Variants in STK39 observed in about 807,000 individuals in gnomAD.
STK39 encodes serine/threonine kinase 39, also known as STE20/SPS1-related proline-alanine-rich protein kinase.
Under a neutral mutation model 77.8 loss-of-function variants are expected in STK39, and 20 were observed. The observed-to-expected ratio is 0.26, with a 90% CI of 0.18 to 0.37. The LOEUF is 0.37. Among genes scored for constraint, STK39 ranks in the 10% least tolerant of loss-of-function variants. The probability of loss-of-function intolerance (pLI) is 1.00; values close to 1 mark genes in which losing one functional copy is unlikely to be tolerated. For synonymous variants in STK39, 246 were observed against 234.1 expected (o/e 1.05, Z -0.47); for missense variants, 479 against 656.5 (o/e 0.73, Z 2.95).
intron 16 of STK39, among the ~76,000 whole-genome samples, chr2:167,992,143 C>T (rs1360931525): frequency 6.6e-6 from 1 of 152,128 alleles, no homozygotes; most frequent in African/African-American, 2.4e-5. Context: ...GATAACATAA[C>T]TCAGTTGGAG....
At chr2:168,005,599 G>C (rs1684111469) in intron 16 of STK39, among the ~76,000 whole-genome samples, 1 of 152,052 alleles carries the variant, frequency 6.6e-6, no homozygotes, top group Non-Finnish European at 1.5e-5. Context: ...ACAATGGTAG[G>C]GATGCAATAA....
chr2:167,956,736 C>CT (rs1288280639), intron 17 of STK39, among the ~76,000 whole-genome samples: 2 of 49,552 alleles, frequency 4.0e-5, no homozygotes, highest in Non-Finnish European at 9.2e-5. Context: ...TCTCCCCCCC[C>CT]GCCCCCTCAG....
intron 1 of STK39, among the ~76,000 whole-genome samples, chr2:168,220,339 G>A (rs1282277442): frequency 1.3e-5 from 2 of 151,964 alleles, no homozygotes; most frequent in Non-Finnish European, 2.9e-5. Flanking sequence ...AGTTCTCCTG[G>A]GGCAAAGAGA....
chr2:168,157,920 C>T (rs888478392), intron 5 of STK39, among the ~76,000 whole-genome samples: 3 of 151,956 alleles, frequency 2.0e-5, no homozygotes, highest in Non-Finnish European at 4.4e-5. Flanking sequence ...CAAGAGTAGC[C>T]ACTATTTTTT....
chr2:168,036,800 T>C (rs1684968140), intron 14 of STK39, among the ~76,000 whole-genome samples: 2 of 152,166 alleles, frequency 1.3e-5, no homozygotes, highest in African/African-American at 4.8e-5. Context: ...GCTCCAAGTC[T>C]TTCCAGAGAG....
intron 16 of STK39, among the ~76,000 whole-genome samples, chr2:168,011,481 C>G (rs980404664): frequency 2.0e-5 from 3 of 151,914 alleles, no homozygotes; most frequent in African/African-American, 7.3e-5. Context: ...GCTAACTAAT[C>G]TTGATTAGTT....
At chr2:168,018,606 A>T (rs1393319835) in intron 14 of STK39, among the ~76,000 whole-genome samples, 1 of 134,790 alleles carries the variant, frequency 7.4e-6, no homozygotes, top group South Asian at 2.5e-4. Flanking sequence ...AAGAAATTGC[A>T]GTAGGAAACA....
At chr2:168,175,198 C>T (rs1216544970) in intron 2 of STK39, among the ~76,000 whole-genome samples, 1 of 152,038 alleles carries the variant, frequency 6.6e-6, no homozygotes, top group Non-Finnish European at 1.5e-5. Context: ...TAGGAAAGAA[C>T]TAAAGCATTT....
chr2:168,157,199 AT>A (rs1259072239), intron 5 of STK39, among the ~76,000 whole-genome samples: 6 of 152,260 alleles, frequency 3.9e-5, no homozygotes, highest in African/African-American at 1.4e-4. Flanking sequence ...TGATAAGGAT[AT>A]TATCTCCCTC....
chr2:168,100,201 A>C (rs1190255723), intron 10 of STK39, among the ~76,000 whole-genome samples: 10 of 152,188 alleles, frequency 6.6e-5, no homozygotes, highest in Non-Finnish European at 1.5e-4. Context: ...AAATCATTAC[A>C]GCAGAAAGGC....
chr2:168,201,754 C>T (rs1453331450), intron 1 of STK39, among the ~76,000 whole-genome samples: 2 of 152,108 alleles, frequency 1.3e-5, no homozygotes, highest in East Asian at 3.9e-4. Context: ...AACCACCCCC[C>T]TTCTAATCTG....
chr2:168,132,734 A>C (rs3769414), intron 8 of STK39, among the ~76,000 whole-genome samples: 51,265 of 152,054 alleles, frequency 0.34, 8,789 homozygotes, highest in Admixed American at 0.38. Context: ...TGCTACCCAC[A>C]TTCCCATCAT....
At chr2:168,245,768 CTT>C (rs1446451735) in intron 1 of STK39, among the ~76,000 whole-genome samples, 1 of 152,136 alleles carries the variant, frequency 6.6e-6, no homozygotes, top group East Asian at 1.9e-4. Context: ...ATATTCCAGG[CTT>C]TGAGAAGCCC....
At chr2:168,036,525 T>C (rs1470190963) in intron 14 of STK39, among the ~76,000 whole-genome samples, 1 of 152,184 alleles carries the variant, frequency 6.6e-6, no homozygotes, top group Non-Finnish European at 1.5e-5. Flanking sequence ...AGCTTACTGT[T>C]TTTGGGTAAG....
intron 16 of STK39, among the ~76,000 whole-genome samples, chr2:167,973,282 G>T (rs573392854): frequency 6.6e-6 from 1 of 152,190 alleles, no homozygotes; most frequent in Non-Finnish European, 1.5e-5. Context: ...TATTAGGTTT[G>T]CTAAATGCTT....
At chr2:168,156,990 C>A (rs181450126) in intron 5 of STK39, among the ~76,000 whole-genome samples, 60 of 152,310 alleles carry the variant, frequency 3.9e-4, no homozygotes, top group African/African-American at 1.3e-3. Flanking sequence ...GGGCCAAAGG[C>A]CACAGAAGGA....
At chr2:168,230,246 G>A (rs796563628) in intron 1 of STK39, among the ~76,000 whole-genome samples, 5 of 152,198 alleles carry the variant, frequency 3.3e-5, no homozygotes, top group African/African-American at 1.2e-4. Flanking sequence ...CTTTGAATTT[G>A]GGCTGGCCTT....
At chr2:168,147,196 T>C in intron 5 of STK39, among the ~76,000 whole-genome samples, 1 of 152,232 alleles carries the variant, frequency 6.6e-6, no homozygotes, top group Non-Finnish European at 1.5e-5. Flanking sequence ...ATGTCATATT[T>C]ATATCATGAA....
At chr2:168,083,683 G>A (rs937514759) in intron 10 of STK39, among the ~76,000 whole-genome samples, 32 of 152,214 alleles carry the variant, frequency 2.1e-4, no homozygotes, top group African/African-American at 7.2e-4. Flanking sequence ...ACATTCTACT[G>A]ACTCATGTAA....
Sources: gnomAD v4.1 joint callset for allele counts (sites outside exome capture counted in the v4.1 genomes callset) on GRCh38, gnomAD v4.1.1 for gene constraint, MANE v1.5 for transcripts, NCBI Gene and HGNC (gene_info 2026-07-23, HGNC 2026-07-21) for gene names.